QSOX2: variants seen among roughly 807,000 people sequenced by gnomAD.
QSOX2 encodes sulfhydryl oxidase 2.
QSOX2 carries 46 observed loss-of-function variants against 61.7 expected under a neutral mutation model. The observed-to-expected ratio is 0.75, with a 90% CI of 0.59 to 0.95. The LOEUF (loss-of-function observed/expected upper bound fraction) is 0.95. Among genes scored for constraint, QSOX2 ranks in the 40% least tolerant of loss-of-function variants. The probability of loss-of-function intolerance (pLI) is 0.00; values close to 1 mark genes in which losing one functional copy is unlikely to be tolerated. For synonymous variants in QSOX2, 383 were observed against 388.4 expected (o/e 0.99, Z 0.16); for missense variants, 879 against 918.9 (o/e 0.96, Z 0.56).
At chr9:136,240,075 A>T (rs1830422287) in intron 1 of QSOX2, among the ~76,000 whole-genome samples, 1 of 150,368 alleles carries the variant, frequency 6.7e-6, no homozygotes, top group African/African-American at 2.5e-5. Context: ...CTCTGGGGTT[A>T]GAGCCAGCTG....
At position 136,232,960 on chromosome 9, in the gene QSOX2, A is replaced by G. The variant is rs115780671; in HGVS notation, c.329-6086T>C. On this transcript the variant is annotated intron_variant, in intron 1 of 11. Transcript: ENST00000358701. ...AAAAGAAAAAAGAAAAAAAAAGAAA[A>G]TCATGGAGGAGAAAGGACATCTGCC... is the stretch of plus-strand genomic sequence containing the variant. Among the ~76,000 whole-genome samples the G allele has an allele frequency of 5.4e-3, 824 of 151,896 alleles. 8 individuals are homozygous for G. The highest frequency in any genetic ancestry group is 0.019 in the African/African-American group (787 of 41,374).
At chr9:136,243,971 T>C (rs994670814) in intron 1 of QSOX2, among the ~76,000 whole-genome samples, 1 of 152,152 alleles carries the variant, frequency 6.6e-6, no homozygotes, top group Admixed American at 6.5e-5. Context: ...CCAGGGACAG[T>C]TCTCAAGGCT....
intron 1 of QSOX2, among the ~76,000 whole-genome samples, chr9:136,230,800 C>T (rs895261888): frequency 6.6e-6 from 1 of 152,162 alleles, no homozygotes; most frequent in African/African-American, 2.4e-5. Context: ...TCCGCCAGAC[C>T]CAGCACTGCT....
chr9:136,218,616 C>G, intron 8 of QSOX2, 63 bp downstream of exon 8: 1 of 1,558,328 alleles, frequency 6.4e-7, no homozygotes, highest in Non-Finnish European at 8.7e-7. Flanking sequence ...CCGACGCCCC[C>G]CAGGGCCCAC....
intron 10 of QSOX2, among the ~76,000 whole-genome samples, chr9:136,213,280 G>A (rs1345369032): frequency 1.7e-5 from 2 of 120,514 alleles, no homozygotes; most frequent in East Asian, 4.8e-4. Context: ...CAGTCTTGCT[G>A]TTGCCCAGGC....
At chr9:136,214,104 T>A (rs907174812) in intron 10 of QSOX2, among the ~76,000 whole-genome samples, 3 of 152,104 alleles carry the variant, frequency 2.0e-5, no homozygotes, top group African/African-American at 7.2e-5. Context: ...GGCTTTGAAG[T>A]AAACATTAAT....
intron 8 of QSOX2, 124 bp downstream of exon 8, chr9:136,218,554 AC>A: frequency 8.2e-6 from 10 of 1,215,350 alleles, no homozygotes; most frequent in Non-Finnish European, 1.1e-5. Context: ...GGCCTGGGCG[AC>A]AAAGCAAGGT....
chr9:136,224,141 G>A (rs372821761), intron 3 of QSOX2, 29 bp from the exon 4 acceptor site: 4 of 1,572,186 alleles, frequency 2.5e-6, no homozygotes, highest in Middle Eastern at 1.7e-4. Context: ...GGTCAGAGCT[G>A]TGTGTGCGGC....
Position 136,216,645 on chromosome 9 carries a change from C to T in QSOX2, c.1164G>A (p.Arg388=). 6.2e-7 allele frequency: 1 copy of T among 1,613,956 alleles called. No homozygotes were observed. Among genetic ancestry groups the T allele is most frequent in the Non-Finnish European group, 8.5e-7 (1 of 1,180,006 alleles). ...QEWLASLPLD[R]IPYNAVLDLV... is the part of the protein sequence containing the mutation. Reference sequence around the variant, plus strand: ...GGTCAAGCACGGCGTTGTAGGGGATCCTGTCCAGGGGAAGGCTGGCCAGCC... The same window carrying T: ...GGTCAAGCACGGCGTTGTAGGGGATTCTGTCCAGGGGAAGGCTGGCCAGCC... The change falls in exon 9 of 12, where the codon AGG becomes AGA. Residue 388 remains arginine, a synonymous_variant. Transcript: ENST00000358701.
At chr9:136,210,412 C>A in intron 11 of QSOX2, 1 of 985,456 alleles carries the variant, frequency 1.0e-6, no homozygotes, top group Non-Finnish European at 1.2e-6. Flanking sequence ...GCAGCAGGGG[C>A]TCCAGGTCCA....
intron 10 of QSOX2, among the ~76,000 whole-genome samples, chr9:136,213,560 C>CCCT (rs1831873859): frequency 6.6e-6 from 1 of 150,896 alleles, no homozygotes; most frequent in Non-Finnish European, 1.5e-5. Context: ...TTAAAACCCA[C>CCCT]CCTCTCCCCC....
rs931603207 is a variant in QSOX2, at chr9:136,223,458, G to C, written c.675+305C>G. Among the ~76,000 whole-genome samples the C allele has an allele frequency of 6.6e-6, 1 of 152,180 alleles. No individual in the cohort carries two copies. Among genetic ancestry groups the C allele is most frequent in the Non-Finnish European group, 1.5e-5 (1 of 68,040 alleles). ...CATACAAAATACAGAATGACCTCAA[G>C]GTGAGCTGGGCGTGTCATAAAAATG... On this transcript the variant is annotated intron_variant, in intron 5 of 11. Transcript: ENST00000358701. This position sits in a 1 kb window ranked among gnomAD's most constrained non-coding sequence, Gnocchi z 4.4.
chr9:136,237,216 T>A (rs1830392897), intron 1 of QSOX2, among the ~76,000 whole-genome samples: 1 of 124,102 alleles, frequency 8.1e-6, no homozygotes, highest in Non-Finnish European at 1.6e-5. Context: ...TGGGCCGGCG[T>A]CACTTGGAGC....
chr9:136,235,405 G>C (rs576799212), intron 1 of QSOX2, among the ~76,000 whole-genome samples: 1 of 152,352 alleles, frequency 6.6e-6, no homozygotes, highest in East Asian at 1.9e-4. Flanking sequence ...GAGAGAAGGA[G>C]AGAAGACAAC....
chr9:136,217,831 G>C (rs1188386036), intron 8 of QSOX2, among the ~76,000 whole-genome samples: 1 of 152,258 alleles, frequency 6.6e-6, no homozygotes, highest in Admixed American at 6.5e-5. Flanking sequence ...AGGCCAGCTA[G>C]AGATTTCTGA....
At chr9:136,218,341 G>T (rs1031542563) in intron 8 of QSOX2, among the ~76,000 whole-genome samples, 3 of 152,154 alleles carry the variant, frequency 2.0e-5, no homozygotes, top group Non-Finnish European at 4.4e-5. Flanking sequence ...CCCGTGCAGC[G>T]CTCCTCTGAG....
chr9:136,211,479 A>G, intron 10 of QSOX2, 27 bp from the exon 11 acceptor site: 1 of 1,608,018 alleles, frequency 6.2e-7, no homozygotes, highest in Non-Finnish European at 8.5e-7. Flanking sequence ...ACTGCTGACA[A>G]CGGCAGGTGC....
At chr9:136,213,675 A>G (rs1831876154) in intron 10 of QSOX2, among the ~76,000 whole-genome samples, 1 of 151,828 alleles carries the variant, frequency 6.6e-6, no homozygotes, top group Non-Finnish European at 1.5e-5. Context: ...CTCTCCCATT[A>G]ACAGGTGGAA....
intron 10 of QSOX2, among the ~76,000 whole-genome samples, chr9:136,213,265 T>G (rs73668091): frequency 1.2e-3 from 121 of 101,310 alleles, no homozygotes; most frequent in African/African-American, 4.1e-3. Context: ...TTTTTTTTTT[T>G]GAGACAGTCT....
Sources: gnomAD v4.1 joint callset for allele counts (sites outside exome capture counted in the v4.1 genomes callset) on GRCh38, gnomAD v4.1.1 for gene constraint, Gnocchi (gnomAD v3.1) non-coding constraint, MANE v1.5 for transcripts, NCBI Gene and HGNC (gene_info 2026-07-23, HGNC 2026-07-21) for gene names.